The following MAP2K5 variants were observed in gnomAD, a reference collection of about 807,000 sequenced individuals.
MAP2K5 encodes the protein dual specificity mitogen-activated protein kinase kinase 5.
A neutral mutation model predicts 83.1 loss-of-function variants in MAP2K5; 49 were observed. The ratio of observed to expected loss-of-function variants is 0.59; its 90% CI spans 0.47 to 0.75. MAP2K5 has a LOEUF of 0.75. Ranked by LOEUF, MAP2K5 falls within the 30% of genes least tolerant of loss-of-function variation. The pLI, the probability that MAP2K5 is intolerant of heterozygous loss-of-function variation, is 0.00. For synonymous variants in MAP2K5, 202 were observed against 191.8 expected, an observed-to-expected ratio of 1.05 and a Z score of -0.44; for missense variants, 457 against 557.5, an observed-to-expected ratio of 0.82 and a Z score of 1.82.
rs192264933 is a variant in MAP2K5, at chr15:67,691,401, C to T, written c.848-1078C>T. 1.5e-3 allele frequency among the ~76,000 whole-genome samples: 228 copies of T among 152,254 alleles called. 2 individuals carry two copies. The highest frequency in any genetic ancestry group is 4.6e-3 in the African/African-American group (190 of 41,542). Reference sequence around the variant, plus strand: ...TTCAGTAATAGTTACTGTGTGTGAACTTGAAATTTGAATTAAGTATCTACT... The same window carrying T: ...TTCAGTAATAGTTACTGTGTGTGAATTTGAAATTTGAATTAAGTATCTACT... On this transcript the variant is annotated intron_variant, in intron 13 of 21. Coordinates refer to ENST00000178640, the MANE Select transcript of MAP2K5 (RefSeq NM_145160.3).
Position 67,774,109 on chromosome 15 carries a change from A to C in MAP2K5, c.1242+1357A>C, listed in dbSNP as rs2090192810. On this transcript the variant is annotated intron_variant, in intron 21 of 21. Transcript: ENST00000178640. The surrounding 1 kb of genome is among the most constrained non-coding windows in gnomAD (Gnocchi z 4.9). ...ACACCACTCCAGGGTGGCACATCAT[A>C]AAGACAAGGCTAAAGGGTGAGTACT... Among the ~76,000 whole-genome samples, 1 of 152,126 alleles carries C rather than the reference A, an allele frequency of 6.6e-6. No homozygotes were observed. Among genetic ancestry groups the C allele is most frequent in the African/African-American group, 2.4e-5 (1 of 41,414 alleles).
intron 3 of MAP2K5, among the ~76,000 whole-genome samples, chr15:67,575,066 A>G (rs1224350715): frequency 6.6e-6 from 1 of 152,112 alleles, no homozygotes; most frequent in Non-Finnish European, 1.5e-5. Context: ...AGAGGAAATC[A>G]GTTTTGGACC....
chr15:67,753,163 C>A (rs769113510), intron 19 of MAP2K5, among the ~76,000 whole-genome samples: 1 of 151,986 alleles, frequency 6.6e-6, no homozygotes, highest in Admixed American at 6.6e-5. Flanking sequence ...AAATTTGGAC[C>A]CCTACCTTTC....
Position 67,668,689 on chromosome 15 carries a change from T to C in MAP2K5, c.847+4044T>C, listed in dbSNP as rs2087448501. On this transcript the variant is annotated intron_variant, in intron 13 of 21. Transcript: ENST00000178640. The surrounding 1 kb of genome is among the most constrained non-coding windows in gnomAD (Gnocchi z 4.0). ...TTGGGAAGATGTGAGAATGCCCTGGTAGTAACTGCTGTCTCTTTCCCTGAG... is the reference window on the plus strand; with the variant it reads ...TTGGGAAGATGTGAGAATGCCCTGGCAGTAACTGCTGTCTCTTTCCCTGAG... Among the ~76,000 whole-genome samples the C allele has an allele frequency of 6.6e-6, 1 of 152,136 alleles. No individual in the cohort carries two copies. The highest frequency in any genetic ancestry group is 6.6e-5 in the Admixed American group (1 of 15,254).
rs1345815790 is a variant in MAP2K5 at position 67,542,768 on chromosome 15, G to GCCTCA, written c.-568_-567insCCTCA. On this transcript the variant is annotated 5_prime_UTR_variant, in exon 1 of 22. Coordinates refer to ENST00000178640, the MANE Select transcript of MAP2K5 (RefSeq NM_145160.3). ...CGCCGCAGCCGCCGCCAGTCCGCGC[G>GCCTCA]GCCTCGGGTGGCCGGAGCTCAGCCT... 4 of 155,710 alleles carry GCCTCA rather than the reference G, an allele frequency of 2.6e-5. No homozygotes were observed. The highest frequency in any genetic ancestry group is 9.7e-5 in the African/African-American group (4 of 41,372). The allele number at this position is 155,710 out of a possible 1,614,324, so 9.6% of individuals were successfully genotyped here.
chr15:67,543,263 C>G lies in MAP2K5; in HGVS notation c.-73C>G, dbSNP rs371808506. On this transcript the variant is annotated 5_prime_UTR_variant, in exon 1 of 22. Coordinates refer to ENST00000178640, the MANE Select transcript of MAP2K5 (RefSeq NM_145160.3). The surrounding 1 kb of genome is among the most constrained non-coding windows in gnomAD (Gnocchi z 4.3). ...CTCTGCCCGTCACTCCCCTTGTCAC[C>G]TCTTGGAGCCCCCTCCTAACCAGCG... is the stretch of plus-strand genomic sequence containing the variant. 3 of 1,542,066 alleles carry G rather than the reference C, an allele frequency of 1.9e-6. No individual in the cohort carries two copies. Among genetic ancestry groups the G allele is most frequent in the African/African-American group, 2.7e-5 (2 of 73,684 alleles).
intron 17 of MAP2K5, among the ~76,000 whole-genome samples, chr15:67,729,835 G>C (rs2089182547): frequency 6.6e-6 from 1 of 152,196 alleles, no homozygotes; most frequent in Admixed American, 6.5e-5. Context: ...GGTCAAATTT[G>C]AGAAGAGGCT....
chr15:67,652,609 G>A lies in MAP2K5; in HGVS notation c.737-5944G>A, dbSNP rs1421630888. 6.6e-6 allele frequency among the ~76,000 whole-genome samples: 1 copy of A among 152,120 alleles called. No individual in the cohort carries two copies. Among genetic ancestry groups the A allele is most frequent in the Admixed American group, 6.6e-5 (1 of 15,258 alleles). On this transcript the variant is annotated intron_variant, in intron 11 of 21. Transcript: ENST00000178640. This position sits in a 1 kb window ranked among gnomAD's most constrained non-coding sequence, Gnocchi z 4.2. ...CACGAGGCCCCATCTTCAACATTGG[G>A]AGTGAGATTTCAACATGAGTTTTGA...
chr15:67,673,203 T>C (rs1260390800), intron 13 of MAP2K5, among the ~76,000 whole-genome samples: 2 of 152,130 alleles, frequency 1.3e-5, no homozygotes, highest in Non-Finnish European at 2.9e-5. Flanking sequence ...GGAACACTTT[T>C]TTTTTTAATC....
In MAP2K5 at chr15:67,749,996, C is replaced by T. The variant is rs1037780919; in HGVS notation, c.1134+1395C>T. ...ACATCCAGGTAAAGGCATTCCTCACCAATACTATGTGTGTTTCTCATTTGA... is the reference window on the plus strand; with the variant it reads ...ACATCCAGGTAAAGGCATTCCTCACTAATACTATGTGTGTTTCTCATTTGA... On this transcript the variant is annotated intron_variant, in intron 19 of 21. Coordinates refer to ENST00000178640, the MANE Select transcript of MAP2K5 (RefSeq NM_145160.3). This position sits in a 1 kb window ranked among gnomAD's most constrained non-coding sequence, Gnocchi z 4.6. Among the ~76,000 whole-genome samples the T allele has an allele frequency of 1.3e-5, 2 of 152,188 alleles. No homozygotes were observed. Among genetic ancestry groups the T allele is most frequent in the African/African-American group, 4.8e-5 (2 of 41,450 alleles).
Position 67,543,116 on chromosome 15 carries a change from C to T in MAP2K5, c.-220C>T. 1 of 580,004 alleles carries T rather than the reference C, an allele frequency of 1.7e-6. No homozygotes were observed. The highest frequency in any genetic ancestry group is 2.1e-5 in the South Asian group (1 of 48,762). 35.9% of individuals were successfully genotyped at this position (580,004 alleles called of 1,614,324 possible). On this transcript the variant is annotated 5_prime_UTR_variant, in exon 1 of 22. Transcript: ENST00000178640. The surrounding 1 kb of genome is among the most constrained non-coding windows in gnomAD (Gnocchi z 4.3). Reference sequence around the variant, plus strand: ...TTTGCCCGCTTCCCGGTGCACCCTCCCCGGGAGACACCTCAGACCCCCGAC... The same window carrying T: ...TTTGCCCGCTTCCCGGTGCACCCTCTCCGGGAGACACCTCAGACCCCCGAC...
chr15:67,565,475 G>A lies in MAP2K5; in HGVS notation c.252+2125G>A, dbSNP rs1485602349. Among the ~76,000 whole-genome samples the A allele has an allele frequency of 5.3e-5, 8 of 152,064 alleles. No homozygotes were observed. The highest frequency in any genetic ancestry group is 6.6e-5 in the Admixed American group (1 of 15,258). ...AAACTCCTGACCCCGTGATCCACCC[G>A]CCTCGGCCTCCCAAAGTGCTGGGAT... On this transcript the variant is annotated intron_variant, in intron 3 of 21. Transcript: ENST00000178640. This position sits in a 1 kb window ranked among gnomAD's most constrained non-coding sequence, Gnocchi z 4.1.
rs142773390 is a variant in MAP2K5, at chr15:67,560,704, T to C, written c.185-2579T>C. Among the ~76,000 whole-genome samples, 84 of 152,374 alleles carry C rather than the reference T, an allele frequency of 5.5e-4. No homozygotes were observed. The East Asian group carries it at 0.013, about 23-fold the overall frequency. ...ATAGCTACTTTTTATGCAACTTCTC[T>C]TCAAGAAATTATTCTGGTAGCTGAC... On this transcript the variant is annotated intron_variant, in intron 2 of 21. Transcript: ENST00000178640.
chr15:67,544,914 G>A (rs1195045026), intron 1 of MAP2K5, among the ~76,000 whole-genome samples: 1 of 152,030 alleles, frequency 6.6e-6, no homozygotes, highest in African/African-American at 2.4e-5. Flanking sequence ...CTTTGTATCC[G>A]GAGTTCTCCA....
intron 8 of MAP2K5, chr15:67,628,846 T>A (rs2086389900): frequency 1.3e-6 from 1 of 748,792 alleles, no homozygotes; most frequent in Middle Eastern, 3.7e-4. Context: ...GTGGTCATGG[T>A]GGCTTTGATG....
At chr15:67,616,092 A>T (rs774478148) in intron 8 of MAP2K5, among the ~76,000 whole-genome samples, 2 of 152,168 alleles carry the variant, frequency 1.3e-5, no homozygotes, top group Non-Finnish European at 2.9e-5. Flanking sequence ...AGTCTTTGAA[A>T]TGGAAACTTC....
At chr15:67,753,041 A>C (rs953064352) in intron 19 of MAP2K5, among the ~76,000 whole-genome samples, 1 of 152,218 alleles carries the variant, frequency 6.6e-6, no homozygotes, top group Non-Finnish European at 1.5e-5. Flanking sequence ...ATAAACTTAT[A>C]TATGCATAGT....
chr15:67,792,112 G>T (rs3784716), intron 21 of MAP2K5, among the ~76,000 whole-genome samples: 97,515 of 151,934 alleles, frequency 0.64, 32,003 homozygotes, highest in East Asian at 0.95. Context: ...GAACAGTGGT[G>T]GGAGGTCAGG....
intron 19 of MAP2K5, among the ~76,000 whole-genome samples, chr15:67,766,292 C>T (rs114651777): frequency 5.0e-4 from 76 of 152,286 alleles, no homozygotes; most frequent in African/African-American, 1.8e-3. Flanking sequence ...TCTTTACCTC[C>T]GTGCTTAGAA....
Sources: allele counts gnomAD v4.1 joint callset (sites outside exome capture counted in the v4.1 genomes callset), GRCh38; gene constraint gnomAD v4.1.1; non-coding constraint Gnocchi (gnomAD v3.1); transcripts MANE v1.5; gene names NCBI Gene and HGNC (gene_info 2026-07-23, HGNC 2026-07-21).